Variants in CSMD1 observed in about 807,000 individuals in gnomAD.
CSMD1 encodes CUB and Sushi multiple domains 1.
A neutral mutation model predicts 417.5 loss-of-function variants in CSMD1; 213 were observed. The observed-to-expected ratio is 0.51, with a 90% CI of 0.46 to 0.57. The LOEUF (loss-of-function observed/expected upper bound fraction) is 0.57. CSMD1 is among the 20% of genes least tolerant of loss of function. CSMD1 has a pLI of 0.00. For missense variants in CSMD1, 6,923 were observed against 4,529.7 expected, an observed-to-expected ratio of 1.53 and a Z score of -15.17; for synonymous variants, 2,862 against 1,736.8, an observed-to-expected ratio of 1.65 and a Z score of -16.11.
chr8:3,374,540 G>C (rs892571336), intron 18 of CSMD1, among the ~76,000 whole-genome samples: 7 of 152,120 alleles, frequency 4.6e-5, no homozygotes. Context: ...ACTCAAAGGA[G>C]GTCTAGATGA....
chr8:4,205,624 C>A (rs1455857973), intron 3 of CSMD1, among the ~76,000 whole-genome samples: 1 of 152,058 alleles, frequency 6.6e-6, no homozygotes, highest in Non-Finnish European at 1.5e-5. Flanking sequence ...CACCCAGGAG[C>A]CACACAGAGT....
chr8:3,699,017 C>G (rs972774823), intron 7 of CSMD1, among the ~76,000 whole-genome samples: 1 of 152,306 alleles, frequency 6.6e-6, no homozygotes, highest in Admixed American at 6.5e-5. Context: ...TCCTTGTACC[C>G]ACATCCCACC....
At chr8:4,279,018 G>T (rs994158158) in intron 3 of CSMD1, among the ~76,000 whole-genome samples, 1 of 152,124 alleles carries the variant, frequency 6.6e-6, no homozygotes, top group African/African-American at 2.4e-5. Flanking sequence ...AGTTGTTAAA[G>T]TTGAGCTATG....
chr8:3,871,483 T>C (rs1299749147), intron 5 of CSMD1, among the ~76,000 whole-genome samples: 2 of 152,186 alleles, frequency 1.3e-5, no homozygotes, highest in Non-Finnish European at 2.9e-5. Flanking sequence ...TGAATTTATT[T>C]TCATAGACTT....
At chr8:4,704,003 T>C (rs980348190) in intron 1 of CSMD1, among the ~76,000 whole-genome samples, 1 of 152,180 alleles carries the variant, frequency 6.6e-6, no homozygotes, top group African/African-American at 2.4e-5. Context: ...GAGAATCTAA[T>C]GCCGATGCCG....
At chr8:4,455,496 G>C (rs1306210355) in intron 2 of CSMD1, among the ~76,000 whole-genome samples, 2 of 152,120 alleles carry the variant, frequency 1.3e-5, no homozygotes, top group Non-Finnish European at 1.5e-5. Flanking sequence ...GAGGAAGCTG[G>C]TTTCCATTTG....
intron 7 of CSMD1, among the ~76,000 whole-genome samples, chr8:3,638,122 T>C (rs933609695): frequency 2.6e-5 from 4 of 152,158 alleles, no homozygotes; most frequent in Non-Finnish European, 5.9e-5. Flanking sequence ...CCCAAGCAGG[T>C]TGAGTCTTAA....
At chr8:3,955,557 T>A (rs1184922905) in intron 5 of CSMD1, among the ~76,000 whole-genome samples, 1 of 152,098 alleles carries the variant, frequency 6.6e-6, no homozygotes, top group African/African-American at 2.4e-5. Context: ...TCTGAAAAAA[T>A]GTTTACATAT....
intron 1 of CSMD1, among the ~76,000 whole-genome samples, chr8:4,840,009 T>A (rs534841810): frequency 1.3e-5 from 2 of 152,246 alleles, no homozygotes; most frequent in African/African-American, 4.8e-5. Context: ...GTGCTTTTTG[T>A]CCTGCATGCA....
At chr8:3,027,891 G>A (rs932897559) in intron 51 of CSMD1, among the ~76,000 whole-genome samples, 3 of 152,238 alleles carry the variant, frequency 2.0e-5, no homozygotes, top group African/African-American at 7.2e-5. Context: ...AATGAGTTTA[G>A]TTCAGGAATG....
chr8:4,539,435 C>A (rs1797271689), intron 2 of CSMD1, among the ~76,000 whole-genome samples: 1 of 152,230 alleles, frequency 6.6e-6, no homozygotes, highest in African/African-American at 2.4e-5. Flanking sequence ...CATTTTTAGT[C>A]AGTCTTCAAA....
At chr8:4,123,457 C>A (rs934430926) in intron 3 of CSMD1, among the ~76,000 whole-genome samples, 1 of 152,098 alleles carries the variant, frequency 6.6e-6, no homozygotes, top group Admixed American at 6.6e-5. Flanking sequence ...GTTTAAATAT[C>A]ATTATTGTGG....
At chr8:4,245,715 G>A (rs183242126) in intron 3 of CSMD1, among the ~76,000 whole-genome samples, 1 of 151,978 alleles carries the variant, frequency 6.6e-6, no homozygotes, top group East Asian at 1.9e-4. Flanking sequence ...TTTTTCAAGT[G>A]CTCTAAGATA....
chr8:3,143,873 G>T (rs143962743), intron 40 of CSMD1, among the ~76,000 whole-genome samples: 104 of 152,246 alleles, frequency 6.8e-4, no homozygotes, highest in African/African-American at 2.2e-3. Context: ...ATCCACTCAG[G>T]TGTCAAAGGA....
At chr8:4,259,189 T>C (rs1803698649) in intron 3 of CSMD1, among the ~76,000 whole-genome samples, 1 of 152,100 alleles carries the variant, frequency 6.6e-6, no homozygotes, top group South Asian at 2.1e-4. Flanking sequence ...ACTCTAGAAG[T>C]CACTTTCCAG....
intron 5 of CSMD1, among the ~76,000 whole-genome samples, chr8:3,894,158 A>G (rs940409790): frequency 6.6e-6 from 1 of 152,114 alleles, no homozygotes; most frequent in African/African-American, 2.4e-5. Context: ...AAACTACTCT[A>G]TGCTACACTT....
chr8:4,724,278 G>A (rs1160739471), intron 1 of CSMD1, among the ~76,000 whole-genome samples: 2 of 151,978 alleles, frequency 1.3e-5, no homozygotes, highest in Admixed American at 6.6e-5. Flanking sequence ...TGATATATAA[G>A]CTATGTCAAA....
chr8:3,434,824 C>G (rs555502236), intron 12 of CSMD1, among the ~76,000 whole-genome samples: 1 of 152,156 alleles, frequency 6.6e-6, no homozygotes, highest in Admixed American at 6.5e-5. Flanking sequence ...TTCTATGAGT[C>G]AGAGTGCTGG....
intron 3 of CSMD1, among the ~76,000 whole-genome samples, chr8:4,035,898 A>C (rs976540976): frequency 2.6e-5 from 4 of 152,126 alleles, no homozygotes; most frequent in Non-Finnish European, 4.4e-5. Flanking sequence ...GTCACCCCTC[A>C]CTCACACACA....
Sources: allele counts gnomAD v4.1 joint callset (sites outside exome capture counted in the v4.1 genomes callset), GRCh38; gene constraint gnomAD v4.1.1; transcripts MANE v1.5; gene names NCBI Gene and HGNC (gene_info 2026-07-23, HGNC 2026-07-21).